RBL1: variants seen among roughly 807,000 people sequenced by gnomAD.
RBL1 encodes the protein RB transcriptional corepressor like 1, also known as retinoblastoma-like protein 1.
RBL1 carries 82 observed loss-of-function variants against 123.0 expected under a neutral mutation model. The observed-to-expected ratio is 0.67, with a 90% CI of 0.56 to 0.80. The LOEUF is 0.80. RBL1 is among the 30% of genes least tolerant of loss of function. The probability of loss-of-function intolerance (pLI) is 0.00; values close to 1 mark genes in which losing one functional copy is unlikely to be tolerated. For synonymous variants in RBL1, 405 were observed against 441.3 expected, an observed-to-expected ratio of 0.92 and a Z score of 1.03; for missense variants, 1,171 against 1,299.6, an observed-to-expected ratio of 0.90 and a Z score of 1.52.
intron 11 of RBL1, among the ~76,000 whole-genome samples, chr20:37,052,341 A>G (rs925676129): frequency 6.7e-6 from 1 of 149,290 alleles, no homozygotes; most frequent in African/African-American, 2.5e-5. Context: ...TTATTTATTT[A>G]TTTATTTTGA....
intron 12 of RBL1, among the ~76,000 whole-genome samples, chr20:37,045,938 G>C (rs6030971): frequency 2.0e-5 from 3 of 152,148 alleles, no homozygotes; most frequent in Admixed American, 1.3e-4. Context: ...GCCAAGAAGC[G>C]TAACAGTAGC....
intron 6 of RBL1, among the ~76,000 whole-genome samples, chr20:37,066,108 C>A (rs1473320511): frequency 6.6e-6 from 1 of 152,058 alleles, no homozygotes; most frequent in East Asian, 1.9e-4. Flanking sequence ...TAATCCAAAC[C>A]CCTCCTTTTA....
Position 36,998,922 on chromosome 20 carries a change from T to G in RBL1, c.3044A>C (p.Lys1015Thr). ...TTGCCTTATCATGTTGTTGATATCTTTCAAACTCTGTGCAGAAATAGAGAA... is the reference window on the plus strand; with the variant it reads ...TTGCCTTATCATGTTGTTGATATCTGTCAAACTCTGTGCAGAAATAGAGAA... ...KFNGSPSKSLKDINNMIRQGE... is the reference protein window; with the variant it reads ...KFNGSPSKSLTDINNMIRQGE... Residue 1015 changes from lysine to threonine, a missense_variant, in exon 22 of 22, where the codon AAA becomes ACA. By Grantham distance (78) the Lys-to-Thr change is moderately conservative. Coordinates refer to ENST00000373664, the MANE Select transcript of RBL1 (RefSeq NM_002895.5). 1 of 1,611,276 alleles carries G rather than the reference T, an allele frequency of 6.2e-7. No individual in the cohort carries two copies. The highest frequency in any genetic ancestry group is 1.3e-5 in the African/African-American group (1 of 74,906).
chr20:37,091,992 C>T (rs1255227535), intron 1 of RBL1, among the ~76,000 whole-genome samples: 1 of 152,034 alleles, frequency 6.6e-6, no homozygotes, highest in Non-Finnish European at 1.5e-5. Flanking sequence ...CATGTAATTC[C>T]AGCACTTTGG....
chr20:37,032,731 T>C lies in RBL1; in HGVS notation c.2316A>G (p.Gln772=). The change falls in exon 16 of 22, where the codon CAA becomes CAG. Residue 772 remains glutamine (Q), a synonymous_variant. Coordinates refer to ENST00000373664, the MANE Select transcript of RBL1 (RefSeq NM_002895.5). The part of the protein sequence containing the change: ...SPKQTNLTKA[Q]EVHSTGINRP... The stretch of plus-strand genomic sequence containing the variant: ...TGTTTATTCCAGTTGAATGTACCTC[T>C]TGTGCTTTAGTCAGATTGGTCTGTT... 6.2e-7 allele frequency: 1 copy of C among 1,614,106 alleles called. No homozygotes were observed. The highest frequency in any genetic ancestry group is 8.5e-7 in the Non-Finnish European group (1 of 1,179,992).
At chr20:37,054,509 A>T (rs2064971554) in intron 11 of RBL1, among the ~76,000 whole-genome samples, 1 of 151,460 alleles carries the variant, frequency 6.6e-6, no homozygotes, top group African/African-American at 2.4e-5. Context: ...AAAATTAAAA[A>T]AATTAAAATA....
At chr20:37,046,647 G>C (rs62206483) in intron 12 of RBL1, among the ~76,000 whole-genome samples, 1 of 147,574 alleles carries the variant, frequency 6.8e-6, no homozygotes. Context: ...TGCTCCTGTC[G>C]TCTAGGCTGG....
At chr20:37,016,912 G>A (rs1181227296) in intron 19 of RBL1, among the ~76,000 whole-genome samples, 4 of 136,898 alleles carry the variant, frequency 2.9e-5, no homozygotes, top group Non-Finnish European at 4.8e-5. Context: ...AAAAATAAAA[G>A]AGAAAGGAGG....
chr20:37,009,149 T>C (rs563594725), intron 19 of RBL1, among the ~76,000 whole-genome samples: 1 of 152,194 alleles, frequency 6.6e-6, no homozygotes, highest in Non-Finnish European at 1.5e-5. Context: ...CTCAGCCTCC[T>C]GGGTAGCTGG....
chr20:37,027,517 G>A (rs578145492), intron 16 of RBL1, among the ~76,000 whole-genome samples: 39 of 152,254 alleles, frequency 2.6e-4, no homozygotes, highest in Non-Finnish European at 4.9e-4. Flanking sequence ...GAATGGGCTA[G>A]CCAACCATCT....
chr20:37,021,294 T>C (rs2064336256), intron 17 of RBL1, among the ~76,000 whole-genome samples: 1 of 152,172 alleles, frequency 6.6e-6, no homozygotes, highest in Non-Finnish European at 1.5e-5. Context: ...GATCATAAAC[T>C]TCACTTAAGT....
rs751071512 is a variant in RBL1 at position 37,095,945 on chromosome 20, G to C, written c.-17C>G. On this transcript the variant is annotated 5_prime_UTR_variant, in exon 1 of 22. Coordinates refer to ENST00000373664, the MANE Select transcript of RBL1 (RefSeq NM_002895.5). ...CTCGAACATCCCTTCAGGCCCCGCG[G>C]GCTGCGCGCCACGGCCCCCGACTTC... 5 of 1,515,722 alleles carry C rather than the reference G, an allele frequency of 3.3e-6. No individual in the cohort carries two copies. Among genetic ancestry groups the C allele is most frequent in the Non-Finnish European group, 4.4e-6 (5 of 1,126,078 alleles). 93.9% of individuals were successfully genotyped at this position (1,515,722 alleles called of 1,614,324 possible).
intron 2 of RBL1, among the ~76,000 whole-genome samples, chr20:37,087,290 G>A (rs1339967452): frequency 6.6e-6 from 1 of 151,462 alleles, no homozygotes; most frequent in Non-Finnish European, 1.5e-5. Flanking sequence ...AGTCCAGATT[G>A]CACCACTGCA....
rs182418218 is a variant in RBL1, at chr20:37,049,590, T to C, written c.1468-2400A>G. On this transcript the variant is annotated intron_variant, in intron 11 of 21. Coordinates refer to ENST00000373664, the MANE Select transcript of RBL1 (RefSeq NM_002895.5). ...ATGAGAACGGCAAAATTAGTTGCTT[T>C]CGTCGAGAGTGCCCTTCTGATGAAT... 49 of 756,016 alleles carry C rather than the reference T, an allele frequency of 6.5e-5. No homozygotes were observed. In the East Asian group the frequency reaches 1.2e-3, roughly 18 times the overall value. 46.8% of individuals were successfully genotyped at this position (756,016 alleles called of 1,614,324 possible).
chr20:37,056,556 TG>T (rs2065010950), intron 9 of RBL1, among the ~76,000 whole-genome samples: 2 of 152,140 alleles, frequency 1.3e-5, no homozygotes, highest in South Asian at 2.1e-4. Flanking sequence ...GGTTTCACCA[TG>T]TTGCCTAGGC....
At chr20:37,034,295 T>C (rs2064566956) in intron 15 of RBL1, among the ~76,000 whole-genome samples, 1 of 152,062 alleles carries the variant, frequency 6.6e-6, no homozygotes, top group Non-Finnish European at 1.5e-5. Context: ...TTTAAATTTA[T>C]GGAAAAAAAA....
At position 37,061,228 on chromosome 20, in the gene RBL1, T is replaced by C. The variant is rs762628153; in HGVS notation, c.1125A>G (p.Arg375=). 1.2e-6 allele frequency: 2 copies of C among 1,614,088 alleles called. No individual in the cohort carries two copies. The highest frequency in any genetic ancestry group is 2.2e-5 in the South Asian group (2 of 91,058). ...TGACTGCTTCTTTTTCTCGTAAATA[T>C]CTCCGTCCGGTCAGTGGGGTAGAAG... ...FAPSTPLTGR[R]YLREKEAVIT... The change falls in exon 9 of 22, where the codon AGA becomes AGG. Residue 375 remains arginine, a synonymous_variant. Coordinates refer to ENST00000373664, the MANE Select transcript of RBL1 (RefSeq NM_002895.5).
intron 2 of RBL1, among the ~76,000 whole-genome samples, chr20:37,070,476 A>C (rs1177783297): frequency 1.3e-5 from 2 of 151,594 alleles, no homozygotes; most frequent in African/African-American, 4.9e-5. Flanking sequence ...TAAAAAATAA[A>C]TAAATTTAAA....
At chr20:37,070,609 A>T (rs2065269087) in intron 2 of RBL1, among the ~76,000 whole-genome samples, 1 of 152,208 alleles carries the variant, frequency 6.6e-6, no homozygotes, top group African/African-American at 2.4e-5. Flanking sequence ...ACAGGTTAGG[A>T]GTAAAATTCA....
Sources: allele counts gnomAD v4.1 joint callset (sites outside exome capture counted in the v4.1 genomes callset), GRCh38; gene constraint gnomAD v4.1.1; transcripts MANE v1.5; gene names NCBI Gene and HGNC (gene_info 2026-07-23, HGNC 2026-07-21).